Variants in MROH6 observed in about 807,000 individuals in gnomAD.
MROH6 encodes the protein maestro heat-like repeat-containing protein family member 6.
Under a neutral mutation model 67.7 loss-of-function variants are expected in MROH6, and 62 were observed. The observed-to-expected ratio is 0.92, with a 90% CI of 0.75 to 1.13. The LOEUF is 1.13. MROH6 is among the 50% of genes most tolerant of loss of function. MROH6 has a pLI of 0.00. For missense variants in MROH6, 1,175 were observed against 1,029.1 expected (o/e 1.14, Z -1.94); for synonymous variants, 566 against 470.8 (o/e 1.20, Z -2.62).
rs1407455655 is a variant in MROH6, at chr8:143,570,970, G to A, written c.627C>T (p.Ser209=). The change falls in exon 4 of 14, where the codon AGC becomes AGT. Residue 209 remains serine, a synonymous_variant. Coordinates refer to ENST00000398882, the MANE Select transcript of MROH6 (RefSeq NM_001100878.2). ...CATTTACACGCTGGTTACGGCTTAG[G>A]CTGCGCCAGAGCTCGGCTGCTACCC... is the stretch of plus-strand genomic sequence containing the variant. ...ADRVAAELWR[S]LSRNQRVNGQ... The A allele has an allele frequency of 1.9e-6, 3 of 1,548,916 alleles. No individual in the cohort carries two copies. Among genetic ancestry groups the A allele is most frequent in the Non-Finnish European group, 2.6e-6 (3 of 1,146,944 alleles).
At chr8:143,567,928 T>G in intron 11 of MROH6, 40 bp from the exon 12 acceptor site, 1 of 1,503,504 alleles carries the variant, frequency 6.7e-7, no homozygotes, top group Non-Finnish European at 8.9e-7. Flanking sequence ...GGAGGGCTGA[T>G]CCTGAGTGCG....
At chr8:143,568,427 T>C in intron 10 of MROH6, 125 bp downstream of exon 10, 2 of 1,435,506 alleles carry the variant, frequency 1.4e-6, no homozygotes, top group South Asian at 2.8e-5. Context: ...TGGCCGCCCG[T>C]CACACCTGCC....
chr8:143,569,858 G>A lies in MROH6; in HGVS notation c.1159-18C>T. Reference sequence around the variant, plus strand: ...TGCAACAGCTAGGCGAGGCACATGGGGTCAGCACGCCCGCGGTCCCCGTGC... The same window carrying A: ...TGCAACAGCTAGGCGAGGCACATGGAGTCAGCACGCCCGCGGTCCCCGTGC... On this transcript the variant is annotated intron_variant, in intron 7 of 13. Transcript: ENST00000398882. The A allele has an allele frequency of 6.2e-7, 1 of 1,610,112 alleles. No homozygotes were observed. The highest frequency in any genetic ancestry group is 1.1e-5 in the South Asian group (1 of 90,792).
In MROH6 at chr8:143,570,320, C is replaced by T. The variant is rs368402084; in HGVS notation, c.966G>A (p.Thr322=). Residue 322 remains threonine (T), a synonymous_variant, in exon 6 of 14, where the codon ACG becomes ACA. Transcript: ENST00000398882. ...TCCAGCCTCCTGCCTGCTCCATGCA[C>T]GTGACCACCATGCGGCCTCCATCCC... The part of the protein sequence containing the change: ...LTGDGGRMVV[T]CMEQAGGWRR... 3.2e-5 allele frequency: 51 copies of T among 1,609,752 alleles called. No individual in the cohort carries two copies. In the Middle Eastern group the frequency reaches 4.9e-4, roughly 16 times the overall value.
rs1383497389 is a variant in MROH6, at chr8:143,566,342, A to G, written c.*897T>C. On this transcript the variant is annotated 3_prime_UTR_variant, in exon 14 of 14. Coordinates refer to ENST00000398882, the MANE Select transcript of MROH6 (RefSeq NM_001100878.2). ...CTGCACACACTCCCTGTGCACTCGC[A>G]GAGGCTTCTCTGAGGAGGAGGCTGT... The G allele has an allele frequency of 6.6e-6, 1 of 152,284 alleles. No individual in the cohort carries two copies. The highest frequency in any genetic ancestry group is 2.4e-5 in the African/African-American group (1 of 41,468). The allele number at this position is 152,284 out of a possible 1,614,324, so 9.4% of individuals were successfully genotyped here.
intron 11 of MROH6, 119 bp downstream of exon 11, chr8:143,568,023 C>T (rs1823731573): frequency 1.0e-5 from 15 of 1,467,226 alleles, no homozygotes; most frequent in Middle Eastern, 2.1e-4. Flanking sequence ...CTTGGACTTG[C>T]CCCACCAGTA....
rs1176606428 is a variant in MROH6, at chr8:143,567,379, C to T, written c.2020G>A (p.Ala674Thr). Reference sequence around the variant, plus strand: ...CGGGGCCCGCGGGGGCAGCCCCGGGCACGGGCCAGCATCGCCACCTGCTGA... The same window carrying T: ...CGGGGCCCGCGGGGGCAGCCCCGGGTACGGGCCAGCATCGCCACCTGCTGA... ...SAQQVAMLAR[A>T]RGCPRGPRLL... is the part of the protein sequence containing the mutation. The change falls in exon 14 of 14, where the codon GCC becomes ACC. Residue 674 changes from alanine (A) to threonine (T), a missense_variant. Coordinates refer to ENST00000398882, the MANE Select transcript of MROH6 (RefSeq NM_001100878.2). 8.1e-7 allele frequency: 1 copy of T among 1,237,132 alleles called. No individual in the cohort carries two copies. Among genetic ancestry groups the T allele is most frequent in the East Asian group, 3.2e-5 (1 of 31,486 alleles). 76.6% of individuals were successfully genotyped at this position (1,237,132 alleles called of 1,614,324 possible).
At position 143,567,899 on chromosome 8, in the gene MROH6, A is replaced by C. The variant is rs1563913869; in HGVS notation, c.1765-11T>G. On this transcript the variant is annotated splice_polypyrimidine_tract_variant and intron_variant, in intron 11 of 13. Coordinates refer to ENST00000398882, the MANE Select transcript of MROH6 (RefSeq NM_001100878.2). ...TGGGTATCGCTGAACCTGGGGACAA[A>C]AGGGCTAGTGGCAGGACAGGAGGGC... The C allele has an allele frequency of 6.6e-7, 1 of 1,519,256 alleles. No homozygotes were observed. Among genetic ancestry groups the C allele is most frequent in the Non-Finnish European group, 8.8e-7 (1 of 1,135,060 alleles). The allele number at this position is 1,519,256 out of a possible 1,614,324, so 94.1% of individuals were successfully genotyped here. A position where few individuals can be genotyped will look rare whatever the true frequency, so the allele number is the denominator to read the frequency against.
At chr8:143,571,026 A>G in intron 3 of MROH6, 32 bp from the exon 4 acceptor site, 1 of 1,535,126 alleles carries the variant, frequency 6.5e-7, no homozygotes, top group Non-Finnish European at 8.8e-7. Flanking sequence ...GTGTGAGACA[A>G]GAGATGGGTG....
At chr8:143,568,055 T>C (rs1388018328) in intron 11 of MROH6, 87 bp downstream of exon 11, 2 of 1,510,636 alleles carry the variant, frequency 1.3e-6, no homozygotes, top group East Asian at 2.5e-5. Context: ...TTGGCTGCAG[T>C]AGAAACGGTT....
In MROH6 at chr8:143,567,381, C is replaced by T. The variant is rs1454898107; in HGVS notation, c.2018G>A (p.Arg673His). The T allele has an allele frequency of 9.7e-6, 12 of 1,237,272 alleles. No homozygotes were observed. The Admixed American group carries it at 1.3e-4, about 13-fold the overall frequency. The allele number at this position is 1,237,272 out of a possible 1,614,324, so 76.6% of individuals were successfully genotyped here. ...VSAQQVAMLA[R>H]ARGCPRGPRL... ...GGGCCCGCGGGGGCAGCCCCGGGCA[C>T]GGGCCAGCATCGCCACCTGCTGAGC... Residue 673 changes from arginine (R) to histidine (H), a missense_variant, in exon 14 of 14, where the codon CGT (arginine) becomes CAT (histidine). By Grantham distance (29) the Arg-to-His change is conservative. Transcript: ENST00000398882.
intron 1 of MROH6, 70 bp downstream of exon 1, chr8:143,572,351 C>T (rs1824100723): frequency 1.3e-6 from 2 of 1,484,744 alleles, no homozygotes; most frequent in Non-Finnish European, 1.8e-6. Context: ...CCCCTGCCAC[C>T]CCGCCTTCCA....
Position 143,567,813 on chromosome 8 carries a change from G to C in MROH6, c.1840C>G (p.Leu614Val), listed in dbSNP as rs1823714352. 6.5e-7 allele frequency: 1 copy of C among 1,536,096 alleles called. No individual in the cohort carries two copies. The highest frequency in any genetic ancestry group is 1.4e-5 in the African/African-American group (1 of 72,426). ...ATAAGCACGGCGGCTGCCCGGCGCA[G>C]GGGGTCCTGTGGACTCCGCAGGTAG... ...QGYLRSPQDP[L>V]RRAAAVLIGF... Residue 614 changes from leucine to valine, a missense_variant, in exon 12 of 14, where the codon CTG (leucine) becomes GTG (valine). Coordinates refer to ENST00000398882, the MANE Select transcript of MROH6 (RefSeq NM_001100878.2).
At position 143,569,668 on chromosome 8, in the gene MROH6, C is replaced by A. The variant is rs753735809; in HGVS notation, c.1302+29G>T. ...AGACCTCGCCGCGACCGGGCCAAGC[C>A]CCTCTCCACCCCTCCCCTTCTCTCA... On this transcript the variant is annotated intron_variant, in intron 8 of 13. Coordinates refer to ENST00000398882, the MANE Select transcript of MROH6 (RefSeq NM_001100878.2). The A allele has an allele frequency of 2.5e-6, 4 of 1,608,470 alleles. No individual in the cohort carries two copies. The South Asian group carries it at 4.4e-5, about 18-fold the overall frequency.
chr8:143,570,367 C>G lies in MROH6; in HGVS notation c.919G>C (p.Ala307Pro). The G allele has an allele frequency of 5.0e-6, 8 of 1,611,076 alleles. No individual in the cohort carries two copies. Among genetic ancestry groups the G allele is most frequent in the Non-Finnish European group, 6.8e-6 (8 of 1,179,700 alleles). ...TCCCCGGTGAGCAGCGCCTTCAAGG[C>G]CTCCACAGCACAGCTGGTGGTGGGG... ...PHSHASCAVE[A>P]LKALLTGDGG... The change falls in exon 6 of 14, where the codon GCC becomes CCC. Residue 307 changes from alanine (A) to proline (P), a missense_variant. By Grantham distance (27) the Ala-to-Pro change is conservative. Coordinates refer to ENST00000398882, the MANE Select transcript of MROH6 (RefSeq NM_001100878.2).
rs781456662 is a variant in MROH6, at chr8:143,568,563, C to T, written c.1633G>A (p.Asp545Asn). The T allele has an allele frequency of 1.3e-6, 2 of 1,541,640 alleles. No individual in the cohort carries two copies. Among genetic ancestry groups the T allele is most frequent in the South Asian group, 2.4e-5 (2 of 84,540 alleles). ...CGGGGGCTGCTGACCTCAGCAGCGT[C>T]CCTGCTGGGGTCATGCAGGCGCAGC... Reference protein sequence around the residue: ...LLLRLHDPSRDAAESSEWTLA... With the variant: ...LLLRLHDPSRNAAESSEWTLA... Residue 545 changes from aspartate (D) to asparagine (N), a missense_variant, in exon 10 of 14, where the codon GAC (aspartate) becomes AAC (asparagine). Asp to Asn is a conservative substitution (Grantham distance 23). Coordinates refer to ENST00000398882, the MANE Select transcript of MROH6 (RefSeq NM_001100878.2).
At chr8:143,571,641 C>T in intron 3 of MROH6, 26 bp downstream of exon 3, 1 of 1,556,578 alleles carries the variant, frequency 6.4e-7, no homozygotes, top group Non-Finnish European at 8.7e-7. Flanking sequence ...CGCGTGGGGA[C>T]CGCAGGGCCA....
chr8:143,567,822 G>T lies in MROH6; in HGVS notation c.1831C>A (p.Gln611Lys). ...SQTQGYLRSP[Q>K]DPLRRAAAVL... ...GCGGCTGCCCGGCGCAGGGGGTCCTGTGGACTCCGCAGGTAGCCCTGGGTC... is the reference window on the plus strand; with the variant it reads ...GCGGCTGCCCGGCGCAGGGGGTCCTTTGGACTCCGCAGGTAGCCCTGGGTC... The change falls in exon 12 of 14, where the codon CAG (glutamine) becomes AAG (lysine). Residue 611 changes from glutamine (Q) to lysine (K), a missense_variant. Physicochemically the swap from Gln to Lys is moderately conservative, Grantham distance 53. Coordinates refer to ENST00000398882, the MANE Select transcript of MROH6 (RefSeq NM_001100878.2). 1 of 1,535,986 alleles carries T rather than the reference G, an allele frequency of 6.5e-7. No individual in the cohort carries two copies.
chr8:143,569,637 T>G, intron 8 of MROH6, 23 bp from the exon 9 acceptor site: 1 of 1,592,482 alleles, frequency 6.3e-7, no homozygotes, highest in Non-Finnish European at 8.6e-7. Flanking sequence ...GGGGTCAGCC[T>G]CTTGCAGACC....
Sources: gnomAD v4.1 joint callset for allele counts on GRCh38, gnomAD v4.1.1 for gene constraint, MANE v1.5 for transcripts, NCBI Gene and HGNC (gene_info 2026-07-23, HGNC 2026-07-21) for gene names.